Variants in TRIM71 observed in about 807,000 individuals in gnomAD.
TRIM71 encodes tripartite motif containing 71.
TRIM71 carries 9 observed loss-of-function variants against 61.2 expected under a neutral mutation model. The observed-to-expected ratio is 0.15, with a 90% CI of 0.09 to 0.26. TRIM71 has a LOEUF of 0.26. Among genes scored for constraint, TRIM71 ranks in the 10% least tolerant of loss-of-function variants. TRIM71 has a pLI of 1.00. For missense variants in TRIM71, 998 were observed against 1,238.7 expected (o/e 0.81, Z 2.92); for synonymous variants, 645 against 553.2 (o/e 1.17, Z -2.33).
intron 2 of TRIM71, among the ~76,000 whole-genome samples, chr3:32,877,000 A>G (rs1242812055): frequency 6.6e-6 from 1 of 152,106 alleles, no homozygotes; most frequent in African/African-American, 2.4e-5. Context: ...ATACTAGATC[A>G]TGGGGCATTT....
chr3:32,884,505 C>G (rs1696939723), intron 2 of TRIM71, among the ~76,000 whole-genome samples: 1 of 149,652 alleles, frequency 6.7e-6, no homozygotes, highest in Non-Finnish European at 1.5e-5. Flanking sequence ...CGAGACCAGC[C>G]TAGGCAATGT....
intron 1 of TRIM71, among the ~76,000 whole-genome samples, chr3:32,856,923 G>A (rs1286193391): frequency 6.6e-6 from 1 of 152,084 alleles, no homozygotes; most frequent in African/African-American, 2.4e-5. Context: ...CCACCACCCC[G>A]AGAGGAAATG....
chr3:32,891,749 A>G lies in TRIM71; in HGVS notation c.2545A>G (p.Ile849Val), dbSNP rs765561185. The change falls in exon 4 of 4, where the codon ATC becomes GTC. Residue 849 changes from isoleucine to valine, a missense_variant. Coordinates refer to ENST00000383763, the MANE Select transcript of TRIM71 (RefSeq NM_001039111.3). This position sits in a 1 kb window ranked among gnomAD's most constrained non-coding sequence, Gnocchi z 8.2. The stretch of plus-strand genomic sequence containing the variant: ...GATGGACCGCCCTTCCGGCATCGCC[A>G]TCACCCCCGACGGAATGATCGTTGT... ...GQMDRPSGIA[I>V]TPDGMIVVVD... The G allele has an allele frequency of 2.5e-6, 4 of 1,614,072 alleles. No individual in the cohort carries two copies. Among genetic ancestry groups the G allele is most frequent in the South Asian group, 2.2e-5 (2 of 91,090 alleles).
Position 32,833,638 on chromosome 3 carries a change from A to T in TRIM71, c.852+14706A>T, listed in dbSNP as rs1036757258. ...GCAGGAGTACTGAGAATGCTTTTTT[A>T]TTTATTTATTTATTTATTTATTTAT... On this transcript the variant is annotated intron_variant, in intron 1 of 3. Transcript: ENST00000383763. Among the ~76,000 whole-genome samples, 197 of 128,556 alleles carry T rather than the reference A, an allele frequency of 1.5e-3. 1 individual carries two copies. Among genetic ancestry groups the T allele is most frequent in the Non-Finnish European group, 8.4e-4 (54 of 64,094 alleles). 84.3% of individuals were successfully genotyped at this position (128,556 alleles called of 152,430 possible).
intron 2 of TRIM71, among the ~76,000 whole-genome samples, chr3:32,877,891 C>T (rs1696867197): frequency 6.6e-6 from 1 of 152,134 alleles, no homozygotes; most frequent in Non-Finnish European, 1.5e-5. Flanking sequence ...TTCAAACATC[C>T]TATTAATGTT....
intron 2 of TRIM71, among the ~76,000 whole-genome samples, chr3:32,878,278 T>C (rs1696870930): frequency 6.6e-6 from 1 of 152,188 alleles, no homozygotes; most frequent in Non-Finnish European, 1.5e-5. Flanking sequence ...AGGGAATCTT[T>C]TTTTCTGAGC....
In TRIM71 at chr3:32,818,252, G is replaced by C. The variant is rs1696080557; in HGVS notation, c.172G>C (p.Val58Leu). 1 of 1,470,350 alleles carries C rather than the reference G, an allele frequency of 6.8e-7. No individual in the cohort carries two copies. The highest frequency in any genetic ancestry group is 8.9e-7 in the Non-Finnish European group (1 of 1,124,586). 91.1% of individuals were successfully genotyped at this position (1,470,350 alleles called of 1,614,324 possible). Residue 58 changes from valine (V) to leucine (L), a missense_variant, in exon 1 of 4, where the codon GTC becomes CTC. Physicochemically the swap from Val to Leu is conservative, Grantham distance 32. Transcript: ENST00000383763. ...TGGGGCGGCGGCGCGCCGCCTACACGTCCTGCCCTGCCTGCACGCCTTCTG... is the reference window on the plus strand; with the variant it reads ...TGGGGCGGCGGCGCGCCGCCTACACCTCCTGCCCTGCCTGCACGCCTTCTG... ...GPGAAARRLH[V>L]LPCLHAFCRP...
At chr3:32,870,200 CTACCAAAGTTCTGCTCCAACTTT>C (rs1176513286) in intron 1 of TRIM71, among the ~76,000 whole-genome samples, 40 of 152,262 alleles carry the variant, frequency 2.6e-4, no homozygotes, top group African/African-American at 9.4e-4. Context: ...GCATGAAATC[CTACCAAAGTTCTGCTCCAACTTT>C]TAGCTGGAAG....
At chr3:32,847,222 G>A (rs1321776816) in intron 1 of TRIM71, among the ~76,000 whole-genome samples, 1 of 133,124 alleles carries the variant, frequency 7.5e-6, no homozygotes, top group Non-Finnish European at 1.6e-5. Flanking sequence ...TTGAGACTGA[G>A]TTTTGCTCTT....
chr3:32,819,995 T>C (rs894568329), intron 1 of TRIM71, among the ~76,000 whole-genome samples: 2 of 152,186 alleles, frequency 1.3e-5, no homozygotes, highest in Non-Finnish European at 2.9e-5. Context: ...TTTGGTATTA[T>C]GCGAGTGTCG....
In TRIM71 at chr3:32,886,084, C is replaced by A. The variant is rs1391203498; in HGVS notation, c.1155+16C>A. The stretch of plus-strand genomic sequence containing the variant: ...GCTGTGGAAGGTAACAGGGAGAGCT[C>A]CCCCACCCAGGCTGTGCCCACTCGG... On this transcript the variant is annotated intron_variant, in intron 3 of 3. Coordinates refer to ENST00000383763, the MANE Select transcript of TRIM71 (RefSeq NM_001039111.3). 1 of 1,607,172 alleles carries A rather than the reference C, an allele frequency of 6.2e-7. No individual in the cohort carries two copies. The highest frequency in any genetic ancestry group is 1.7e-5 in the Admixed American group (1 of 59,322).
chr3:32,890,891 T>A lies in TRIM71; in HGVS notation c.1687T>A (p.Ser563Thr). The A allele has an allele frequency of 6.2e-7, 1 of 1,614,204 alleles. No homozygotes were observed. Among genetic ancestry groups the A allele is most frequent in the Non-Finnish European group, 8.5e-7 (1 of 1,180,040 alleles). Residue 563 changes from serine to threonine, a missense_variant, in exon 4 of 4, where the codon TCT becomes ACT. Coordinates refer to ENST00000383763, the MANE Select transcript of TRIM71 (RefSeq NM_001039111.3). This position sits in a 1 kb window ranked among gnomAD's most constrained non-coding sequence, Gnocchi z 6.2. The stretch of plus-strand genomic sequence containing the variant: ...CCAGCTGGAGGGTGAGCACCTGGTA[T>A]CTGTGACACTGTGCAACCAGCACAT... ...RPQLEGEHLV[S>T]VTLCNQHIEN...
chr3:32,880,245 T>C (rs1197363548), intron 2 of TRIM71, among the ~76,000 whole-genome samples: 1 of 151,844 alleles, frequency 6.6e-6, no homozygotes, highest in Non-Finnish European at 1.5e-5. Context: ...AGGCTGGTCT[T>C]CTCAAACTCA....
intron 3 of TRIM71, among the ~76,000 whole-genome samples, chr3:32,889,842 C>T (rs1697004500): frequency 6.6e-6 from 1 of 152,040 alleles, no homozygotes; most frequent in African/African-American, 2.4e-5. Context: ...CTGCCTGCTT[C>T]ATCCTCCCAA....
intron 3 of TRIM71, among the ~76,000 whole-genome samples, chr3:32,887,648 CCT>C (rs1160451616): frequency 2.0e-5 from 3 of 151,740 alleles, no homozygotes; most frequent in African/African-American, 7.3e-5. Context: ...TATCCAGATG[CCT>C]CTCTTCATTC....
chr3:32,879,598 G>C (rs544875884), intron 2 of TRIM71, among the ~76,000 whole-genome samples: 1 of 151,812 alleles, frequency 6.6e-6, no homozygotes, highest in Admixed American at 6.6e-5. Context: ...GTGACACAGA[G>C]ACAGTATGGG....
At chr3:32,860,652 A>C (rs1696657021) in intron 1 of TRIM71, among the ~76,000 whole-genome samples, 1 of 152,134 alleles carries the variant, frequency 6.6e-6, no homozygotes, top group Non-Finnish European at 1.5e-5. Context: ...CCTGCCCAGT[A>C]ACTGCCTAGA....
intron 1 of TRIM71, among the ~76,000 whole-genome samples, chr3:32,838,772 T>G (rs1414178963): frequency 6.6e-6 from 1 of 152,042 alleles, no homozygotes; most frequent in Non-Finnish European, 1.5e-5. Flanking sequence ...AGACTATCCC[T>G]CTTAGGAAAA....
rs1697023766 is a variant in TRIM71 at position 32,891,493 on chromosome 3, C to G, written c.2289C>G (p.Val763=). 6.2e-7 allele frequency: 1 copy of G among 1,613,348 alleles called. No individual in the cohort carries two copies. ...VAFNHEGHLV[V]TDFNNHRLLV... ...TCAACCATGAGGGCCACTTGGTGGTCACTGACTTCAACAACCACCGGCTCC... is the reference window on the plus strand; with the variant it reads ...TCAACCATGAGGGCCACTTGGTGGTGACTGACTTCAACAACCACCGGCTCC... Residue 763 remains valine, a synonymous_variant, in exon 4 of 4, where the codon GTC becomes GTG. Transcript: ENST00000383763. The surrounding 1 kb of genome is among the most constrained non-coding windows in gnomAD (Gnocchi z 8.2).
Sources: gnomAD v4.1 joint callset for allele counts (sites outside exome capture counted in the v4.1 genomes callset) on GRCh38, gnomAD v4.1.1 for gene constraint, Gnocchi (gnomAD v3.1) non-coding constraint, MANE v1.5 for transcripts, NCBI Gene and HGNC (gene_info 2026-07-23, HGNC 2026-07-21) for gene names.